NALCN: variants seen among roughly 807,000 people sequenced by gnomAD.
The protein encoded by NALCN is sodium leak channel NALCN.
In NALCN, 111 loss-of-function variants were observed where a neutral mutation model predicts 225.3. The ratio of observed to expected loss-of-function variants is 0.49; its 90% CI spans 0.42 to 0.58. The LOEUF (loss-of-function observed/expected upper bound fraction) is 0.58, where lower values mean the gene tolerates loss of function less well. NALCN is among the 20% of genes least tolerant of loss of function. NALCN has a pLI of 0.00. For missense variants in NALCN, 1,378 were observed against 2,202.4 expected (o/e 0.63, Z 7.49); for synonymous variants, 764 against 769.0 (o/e 0.99, Z 0.11).
chr13:101,378,534 G>T, intron 4 of NALCN, 36 bp downstream of exon 4: 1 of 1,516,376 alleles, frequency 6.6e-7, no homozygotes, highest in Non-Finnish European at 9.0e-7. Flanking sequence ...CCATTTTGGA[G>T]AATACCTGCT....
intron 15 of NALCN, among the ~76,000 whole-genome samples, chr13:101,168,596 C>A (rs1367098177): frequency 6.6e-6 from 1 of 152,146 alleles, no homozygotes; most frequent in African/African-American, 2.4e-5. Context: ...TTCTCTCATT[C>A]CTATTTCCTT....
chr13:101,213,016 T>A (rs866780088), intron 13 of NALCN, among the ~76,000 whole-genome samples: 8 of 152,172 alleles, frequency 5.3e-5, no homozygotes, highest in African/African-American at 1.7e-4. Context: ...AGAACAAAGC[T>A]GGAGGCATCA....
At chr13:101,179,916 G>A (rs2039123001) in intron 14 of NALCN, among the ~76,000 whole-genome samples, 1 of 152,044 alleles carries the variant, frequency 6.6e-6, no homozygotes, top group Non-Finnish European at 1.5e-5. Flanking sequence ...GGCCTCCTCT[G>A]TCCCTCGGCT....
At position 101,059,670 on chromosome 13, in the gene NALCN, T is replaced by C. The variant is rs899536943; in HGVS notation, c.4905+148A>G. 6 of 703,996 alleles carry C rather than the reference T, an allele frequency of 8.5e-6. 1 individual carries two copies. In the South Asian group the frequency reaches 1.5e-4, roughly 18 times the overall value. 43.6% of individuals were successfully genotyped at this position (703,996 alleles called of 1,614,324 possible). ...CATAATCTGGATCAATGGATTTCCGTTGCCTTTTTTTTTTTTAATGAAAAT... is the reference window on the plus strand; with the variant it reads ...CATAATCTGGATCAATGGATTTCCGCTGCCTTTTTTTTTTTTAATGAAAAT... On this transcript the variant is annotated intron_variant, in intron 42 of 43. Transcript: ENST00000251127.
chr13:101,269,575 C>T (rs1037829447), intron 10 of NALCN, among the ~76,000 whole-genome samples: 8 of 152,140 alleles, frequency 5.3e-5, no homozygotes, highest in Admixed American at 5.2e-4. Flanking sequence ...TCATCCCCTT[C>T]CCTATCTTTG....
intron 6 of NALCN, among the ~76,000 whole-genome samples, chr13:101,346,085 C>CTATATATATATATATA (rs1164298684): frequency 1.2e-5 from 1 of 80,382 alleles, no homozygotes; most frequent in African/African-American, 5.0e-5. Flanking sequence ...CTCTCTCTCT[C>CTATATATATATATATA]TCTATATATA....
At chr13:101,358,684 C>T (rs2046134787) in intron 6 of NALCN, among the ~76,000 whole-genome samples, 1 of 152,180 alleles carries the variant, frequency 6.6e-6, no homozygotes, top group Admixed American at 6.5e-5. Flanking sequence ...ACACAGCAAT[C>T]CCATTACTGG....
chr13:101,327,440 A>AT (rs1451959357), intron 7 of NALCN, among the ~76,000 whole-genome samples: 1 of 152,118 alleles, frequency 6.6e-6, no homozygotes, highest in African/African-American at 2.4e-5. Context: ...TTCTTTAATC[A>AT]TTCAGGCTCA....
rs569131039 is a variant in NALCN at position 101,182,302 on chromosome 13, T to C, written c.1765-5928A>G. Among the ~76,000 whole-genome samples, 8 of 152,256 alleles carry C rather than the reference T, an allele frequency of 5.3e-5. No individual in the cohort carries two copies. In the South Asian group the frequency reaches 1.7e-3, roughly 32 times the overall value. On this transcript the variant is annotated intron_variant, in intron 14 of 43. Transcript: ENST00000251127. ...ACTGACTCCTCAAGGCAGATGCATTTGATATTTGCTGTGGATAGGAGAAGG... is the reference window on the plus strand; with the variant it reads ...ACTGACTCCTCAAGGCAGATGCATTCGATATTTGCTGTGGATAGGAGAAGG...
intron 7 of NALCN, among the ~76,000 whole-genome samples, chr13:101,299,718 G>T (rs2043882747): frequency 1.3e-5 from 2 of 151,960 alleles, no homozygotes; most frequent in African/African-American, 2.4e-5. Context: ...CACTTTTGAT[G>T]GCAAAATCTA....
At chr13:101,339,699 C>T (rs548374475) in intron 7 of NALCN, among the ~76,000 whole-genome samples, 2 of 152,202 alleles carry the variant, frequency 1.3e-5, no homozygotes, top group Admixed American at 1.3e-4. Flanking sequence ...ATCCAGGGGT[C>T]ACAGATTCGA....
chr13:101,271,605 G>A (rs1452654484), intron 10 of NALCN, among the ~76,000 whole-genome samples: 1 of 102,364 alleles, frequency 9.8e-6, no homozygotes, highest in African/African-American at 3.0e-5. Flanking sequence ...GTGTGCGCCT[G>A]TGTGTGAGTG....
At chr13:101,285,356 G>T (rs1009347234) in intron 9 of NALCN, among the ~76,000 whole-genome samples, 11 of 151,930 alleles carry the variant, frequency 7.2e-5, no homozygotes, top group Middle Eastern at 3.2e-3. Flanking sequence ...CTGGAGTGTA[G>T]GGGCGTGATC....
chr13:101,102,989 C>T lies in NALCN; in HGVS notation c.3057+183G>A, dbSNP rs769450621. Among the ~76,000 whole-genome samples the T allele has an allele frequency of 3.2e-4, 49 of 152,170 alleles. 1 individual carries two copies. Among genetic ancestry groups the T allele is most frequent in the Admixed American group, 9.2e-4 (14 of 15,274 alleles). On this transcript the variant is annotated intron_variant, in intron 26 of 43. Transcript: ENST00000251127. ...TTTAGGTGAATTAAATAAACTCATA[C>T]GCCAGAAGTGCCCATGAGTAAAGTG...
At chr13:101,207,321 C>G (rs997801317) in intron 13 of NALCN, among the ~76,000 whole-genome samples, 3 of 152,130 alleles carry the variant, frequency 2.0e-5, no homozygotes, top group African/African-American at 7.2e-5. Flanking sequence ...CATTTTCTTA[C>G]TGAAATGGTA....
intron 37 of NALCN, among the ~76,000 whole-genome samples, chr13:101,072,012 A>G (rs920280955): frequency 1.5e-4 from 23 of 152,324 alleles, no homozygotes; most frequent in African/African-American, 5.1e-4. Context: ...TCGGTGCAGC[A>G]ATCAGAAGAC....
At chr13:101,304,334 A>T (rs2044077564) in intron 7 of NALCN, among the ~76,000 whole-genome samples, 1 of 152,166 alleles carries the variant, frequency 6.6e-6, no homozygotes, top group Non-Finnish European at 1.5e-5. Flanking sequence ...ATAGGTATGC[A>T]TGTGGCATGA....
intron 7 of NALCN, among the ~76,000 whole-genome samples, chr13:101,331,738 G>A (rs9585673): frequency 2.0e-5 from 3 of 152,000 alleles, no homozygotes; most frequent in Non-Finnish European, 4.4e-5. Context: ...ATGAACTTTG[G>A]AGACCTCTTC....
At chr13:101,329,913 C>T (rs950658450) in intron 7 of NALCN, among the ~76,000 whole-genome samples, 5 of 151,958 alleles carry the variant, frequency 3.3e-5, no homozygotes, top group Non-Finnish European at 5.9e-5. Context: ...GTGGCTCACG[C>T]CTGTAGTCCC....
Sources: gnomAD v4.1 joint callset for allele counts (sites outside exome capture counted in the v4.1 genomes callset) on GRCh38, gnomAD v4.1.1 for gene constraint, MANE v1.5 for transcripts, NCBI Gene and HGNC (gene_info 2026-07-23, HGNC 2026-07-21) for gene names.